GRID1: variants seen among roughly 807,000 people sequenced by gnomAD.
GRID1 encodes the protein glutamate receptor ionotropic, delta-1.
A neutral mutation model predicts 98.0 loss-of-function variants in GRID1; 28 were observed. That is an observed-to-expected ratio of 0.29 (90% confidence interval 0.21 to 0.39). GRID1 has a LOEUF of 0.39. Ranked by LOEUF, GRID1 falls within the 10% of genes least tolerant of loss-of-function variation. GRID1 has a pLI of 1.00. For synonymous variants in GRID1, 553 were observed against 538.5 expected (o/e 1.03, Z -0.37); for missense variants, 1,111 against 1,340.5 (o/e 0.83, Z 2.67).
chr10:85,924,110 T>C, intron 4 of GRID1, among the ~76,000 whole-genome samples: 1 of 152,148 alleles, frequency 6.6e-6, no homozygotes, highest in East Asian at 1.9e-4. Flanking sequence ...GCCTACAGAA[T>C]GAATGAATGG....
intron 12 of GRID1, among the ~76,000 whole-genome samples, chr10:85,712,347 A>G (rs75898911): frequency 0.033 from 4,941 of 151,894 alleles, 125 homozygotes; most frequent in Middle Eastern, 0.048. Context: ...GAATAGGTTG[A>G]CTATACTTAT....
At chr10:86,175,796 G>A (rs1427986789) in intron 3 of GRID1, among the ~76,000 whole-genome samples, 4 of 151,940 alleles carry the variant, frequency 2.6e-5, no homozygotes, top group South Asian at 2.1e-4. Flanking sequence ...TGCAATCTCC[G>A]CCTCCCGGGT....
chr10:85,823,288 G>A (rs1251680590), intron 8 of GRID1, among the ~76,000 whole-genome samples: 3 of 152,072 alleles, frequency 2.0e-5, no homozygotes, highest in Admixed American at 6.5e-5. Context: ...CACTTGAAAT[G>A]GGTGCATTGT....
In GRID1 at chr10:86,365,791, G is replaced by A. The variant is rs984077528; in HGVS notation, c.79+523C>T. Among the ~76,000 whole-genome samples the A allele has an allele frequency of 5.9e-5, 9 of 151,978 alleles. No homozygotes were observed. Among genetic ancestry groups the A allele is most frequent in the African/African-American group, 2.2e-4 (9 of 41,396 alleles). On this transcript the variant is annotated intron_variant, in intron 1 of 15. Coordinates refer to ENST00000327946, the MANE Select transcript of GRID1 (RefSeq NM_017551.3). The surrounding 1 kb of genome is among the most constrained non-coding windows in gnomAD (Gnocchi z 4.8). ...TGCACGCACCAACACACGCTCAGATGGCCCCACACACCCCAACACCCTCTC... is the reference window on the plus strand; with the variant it reads ...TGCACGCACCAACACACGCTCAGATAGCCCCACACACCCCAACACCCTCTC...
intron 2 of GRID1, among the ~76,000 whole-genome samples, chr10:86,214,922 C>A (rs528725861): frequency 2.1e-4 from 32 of 152,288 alleles, no homozygotes; most frequent in African/African-American, 7.7e-4. Context: ...CAACTGGAGT[C>A]CAGATTTCGT....
At chr10:86,111,271 G>A (rs748272444) in intron 4 of GRID1, among the ~76,000 whole-genome samples, 1 of 152,128 alleles carries the variant, frequency 6.6e-6, no homozygotes, top group Non-Finnish European at 1.5e-5. Context: ...CAAGTCACAG[G>A]GTTTTTAATT....
Position 86,335,438 on chromosome 10 carries a change from C to T in GRID1, c.235+28503G>A, listed in dbSNP as rs553905689. ...GTTAATGGGCTTCTTTACTGCAGGACTTCTCAGAGCCTTAAATATGCTGAT... is the reference window on the plus strand; with the variant it reads ...GTTAATGGGCTTCTTTACTGCAGGATTTCTCAGAGCCTTAAATATGCTGAT... On this transcript the variant is annotated intron_variant, in intron 2 of 15. Coordinates refer to ENST00000327946, the MANE Select transcript of GRID1 (RefSeq NM_017551.3). Among the ~76,000 whole-genome samples, 3 of 152,352 alleles carry T rather than the reference C, an allele frequency of 2.0e-5. No individual in the cohort carries two copies. The South Asian group carries it at 6.2e-4, about 32-fold the overall frequency.
At chr10:86,257,149 T>C (rs1846932902) in intron 2 of GRID1, among the ~76,000 whole-genome samples, 1 of 152,178 alleles carries the variant, frequency 6.6e-6, no homozygotes, top group South Asian at 2.1e-4. Context: ...TCAACAACCT[T>C]AGGCTTTGAC....
intron 2 of GRID1, among the ~76,000 whole-genome samples, chr10:86,232,944 TA>T (rs112103862): frequency 6.6e-6 from 1 of 152,118 alleles, no homozygotes; most frequent in Non-Finnish European, 1.5e-5. Flanking sequence ...GCTCCTCTAA[TA>T]AAAAAATCAG....
intron 5 of GRID1, among the ~76,000 whole-genome samples, chr10:85,912,343 C>A (rs190863597): frequency 1.3e-5 from 2 of 152,274 alleles, no homozygotes; most frequent in African/African-American, 4.8e-5. Flanking sequence ...TGCCCAGAGG[C>A]CTATAGGAAC....
At position 85,856,127 on chromosome 10, in the gene GRID1, C is replaced by T. The variant is rs754639243; in HGVS notation, c.1015G>A (p.Glu339Lys). Residue 339 changes from glutamate to lysine, a missense_variant, in exon 7 of 16, where the codon GAG becomes AAG. By Grantham distance (56) the Glu-to-Lys change is moderately conservative (BLOSUM62 1). Transcript: ENST00000327946. ...GCCATGCTATGCCACTTCCGGTCCT[C>T]CAGCTTCCTGTGAAAGGCGTTGGCC... ...MLANAFHRKL[E>K]DRKWHSMASL... 4 of 1,614,146 alleles carry T rather than the reference C, an allele frequency of 2.5e-6. No homozygotes were observed. In the South Asian group the frequency reaches 4.4e-5, roughly 18 times the overall value.
At chr10:86,116,135 G>A (rs1844574594) in intron 4 of GRID1, among the ~76,000 whole-genome samples, 1 of 152,178 alleles carries the variant, frequency 6.6e-6, no homozygotes, top group Admixed American at 6.5e-5. Context: ...TTCTCAGGAT[G>A]TATCCTCATC....
At chr10:85,709,941 A>C (rs1841564196) in intron 12 of GRID1, among the ~76,000 whole-genome samples, 1 of 152,156 alleles carries the variant, frequency 6.6e-6, no homozygotes, top group African/African-American at 2.4e-5. Context: ...ACAATTTAAA[A>C]GTTGAAAAAA....
intron 4 of GRID1, among the ~76,000 whole-genome samples, chr10:86,068,162 T>C (rs1251169033): frequency 6.6e-6 from 1 of 152,180 alleles, no homozygotes; most frequent in Non-Finnish European, 1.5e-5. Context: ...AGGCTCGGAA[T>C]GGGACAGTGA....
intron 4 of GRID1, among the ~76,000 whole-genome samples, chr10:86,004,074 G>T (rs2131876736): frequency 6.6e-6 from 1 of 151,974 alleles, no homozygotes; most frequent in East Asian, 1.9e-4. Flanking sequence ...TGTAAGAGAG[G>T]TATACTATTT....
chr10:85,740,471 T>C (rs889925369), intron 8 of GRID1, among the ~76,000 whole-genome samples: 3 of 152,174 alleles, frequency 2.0e-5, no homozygotes, highest in Admixed American at 1.3e-4. Flanking sequence ...GTCAATTCTA[T>C]GAGTTCTTAC....
At chr10:85,645,159 T>G (rs930044244) in intron 13 of GRID1, among the ~76,000 whole-genome samples, 6 of 152,220 alleles carry the variant, frequency 3.9e-5, no homozygotes, top group Non-Finnish European at 8.8e-5. Context: ...TATCTTTTTT[T>G]TTTCTAAGCA....
intron 4 of GRID1, among the ~76,000 whole-genome samples, chr10:86,079,762 C>A (rs528608601): frequency 1.8e-4 from 27 of 152,294 alleles, no homozygotes; most frequent in African/African-American, 6.3e-4. Context: ...TGCAAAGTGA[C>A]CAGAGCATGT....
chr10:86,041,258 C>G lies in GRID1; in HGVS notation c.726+97561G>C, dbSNP rs1271934867. Among the ~76,000 whole-genome samples, 6 of 152,162 alleles carry G rather than the reference C, an allele frequency of 3.9e-5. No individual in the cohort carries two copies. The East Asian group carries it at 1.2e-3, about 29-fold the overall frequency. ...CCAGGGTGTGAGTGGTTGGGCAGGC[C>G]CTTGAGCCCTAGTGAGGCCTCCTGG... On this transcript the variant is annotated intron_variant, in intron 4 of 15. Coordinates refer to ENST00000327946, the MANE Select transcript of GRID1 (RefSeq NM_017551.3).
Sources: allele counts gnomAD v4.1 joint callset (sites outside exome capture counted in the v4.1 genomes callset), GRCh38; gene constraint gnomAD v4.1.1; non-coding constraint Gnocchi (gnomAD v3.1); transcripts MANE v1.5; gene names NCBI Gene and HGNC (gene_info 2026-07-23, HGNC 2026-07-21).